PCDH10: variants seen among roughly 807,000 people sequenced by gnomAD.
PCDH10 encodes the protein protocadherin-10.
A neutral mutation model predicts 74.4 loss-of-function variants in PCDH10; 15 were observed. That is an observed-to-expected ratio of 0.20 (90% confidence interval 0.13 to 0.31). The LOEUF (loss-of-function observed/expected upper bound fraction) is 0.31. PCDH10 is among the 10% of genes least tolerant of loss of function. The pLI is 1.00. For missense variants in PCDH10, 1,260 were observed against 1,390.2 expected (o/e 0.91, Z 1.49); for synonymous variants, 619 against 589.8 (o/e 1.05, Z -0.72).
At chr4:133,188,955 G>A (rs944457047) in intron 4 of PCDH10, among the ~76,000 whole-genome samples, 4 of 151,848 alleles carry the variant, frequency 2.6e-5, no homozygotes, top group South Asian at 4.2e-4. Context: ...GATTACAGAC[G>A]AGAGCCACCA....
intron 4 of PCDH10, among the ~76,000 whole-genome samples, chr4:133,187,240 A>G (rs1486853962): frequency 3.3e-5 from 5 of 152,144 alleles, no homozygotes; most frequent in East Asian, 1.9e-4. Flanking sequence ...TGAATTTGCC[A>G]TGCACAGAGT....
intron 4 of PCDH10, among the ~76,000 whole-genome samples, chr4:133,183,814 T>A (rs910406744): frequency 1.3e-5 from 2 of 152,106 alleles, no homozygotes; most frequent in Admixed American, 6.6e-5. Context: ...GGCCAACTAT[T>A]TAAGGGTGCC....
At chr4:133,164,053 C>A (rs4461537) in intron 4 of PCDH10, 1 of 454,304 alleles carries the variant, frequency 2.2e-6, no homozygotes, top group South Asian at 1.6e-5. Context: ...ATTGTAGTGA[C>A]AACAATAGGT....
At chr4:133,174,157 TTAAA>T (rs1727248620) in intron 4 of PCDH10, among the ~76,000 whole-genome samples, 1 of 151,920 alleles carries the variant, frequency 6.6e-6, no homozygotes, top group South Asian at 2.1e-4. Context: ...CAGCTGACAA[TTAAA>T]TAAAAATGAA....
intron 4 of PCDH10, among the ~76,000 whole-genome samples, chr4:133,188,675 T>TG (rs1727592040): frequency 7.1e-6 from 1 of 140,194 alleles, no homozygotes; most frequent in South Asian, 2.4e-4. Context: ...GTTTTTTTTT[T>TG]TTTTTTTTTT....
intron 4 of PCDH10, among the ~76,000 whole-genome samples, chr4:133,180,632 CT>C (rs1213618980): frequency 6.6e-6 from 1 of 151,800 alleles, no homozygotes; most frequent in African/African-American, 2.4e-5. Context: ...AACCAGAATT[CT>C]TTACTGGCCC....
Position 133,149,919 on chromosome 4 carries a change from T to A in PCDH10, c.-222T>A. 2 of 472,510 alleles carry A rather than the reference T, an allele frequency of 4.2e-6. No individual in the cohort carries two copies. Among genetic ancestry groups the A allele is most frequent in the Non-Finnish European group, 7.2e-6 (2 of 279,594 alleles). The allele number at this position is 472,510 out of a possible 1,614,324, so 29.3% of individuals were successfully genotyped here. A position where few individuals can be genotyped will look rare whatever the true frequency, so the allele number is the denominator to read the frequency against. ...TACAGATGAGGAAAGGGGACGCCTG[T>A]CACCCTTCCTGTGCTAAGATTTAAA... On this transcript the variant is annotated 5_prime_UTR_variant, in exon 1 of 5. An upstream open reading frame in the 5' UTR gains an earlier in-frame stop. Coordinates refer to ENST00000264360, the MANE Select transcript of PCDH10 (RefSeq NM_032961.3).
At chr4:133,173,490 C>G (rs1247939943) in intron 4 of PCDH10, among the ~76,000 whole-genome samples, 1 of 151,944 alleles carries the variant, frequency 6.6e-6, no homozygotes, top group African/African-American at 2.4e-5. Flanking sequence ...AAACTATATA[C>G]GTATGCCATC....
At position 133,152,740 on chromosome 4, in the gene PCDH10, T is replaced by C. The variant is rs766069390; in HGVS notation, c.2600T>C (p.Ile867Thr). The change falls in exon 1 of 5, where the codon ATC (isoleucine) becomes ACC (threonine). Residue 867 changes from isoleucine (I) to threonine (T), a missense_variant. Around this residue, in one of 11 missense-constraint regions of PCDH10, gnomAD observed 587 missense variants for 616.9 expected, o/e 0.95. Transcript: ENST00000264360. The part of the protein sequence containing the change: ...VTGYTDQQPD[I>T]ISNGSILSNE... ...GGTTACACCGACCAGCAGCCTGATA[T>C]CATCTCCAACGGAAGCATTTTGTCC... The C allele has an allele frequency of 6.2e-7, 1 of 1,614,192 alleles. No individual in the cohort carries two copies. Among genetic ancestry groups the C allele is most frequent in the Admixed American group, 1.7e-5 (1 of 60,024 alleles).
At chr4:133,204,613 A>C (rs931388467) in intron 2 of PCDH10, among the ~76,000 whole-genome samples, 1 of 152,194 alleles carries the variant, frequency 6.6e-6, no homozygotes, top group Non-Finnish European at 1.5e-5. Flanking sequence ...GCTGGAACCA[A>C]TTAGTGGTTT....
chr4:133,170,353 A>G (rs1324114891), intron 4 of PCDH10, among the ~76,000 whole-genome samples: 1 of 152,072 alleles, frequency 6.6e-6, no homozygotes, highest in Non-Finnish European at 1.5e-5. Context: ...GTGTCTATAT[A>G]TATATACACT....
At chr4:133,172,486 C>CAAG (rs1727222392) in intron 4 of PCDH10, among the ~76,000 whole-genome samples, 1 of 151,628 alleles carries the variant, frequency 6.6e-6, no homozygotes, top group Non-Finnish European at 1.5e-5. Flanking sequence ...ATGTATAACT[C>CAAG]AAGAAATGTT....
In PCDH10 at chr4:133,151,341, G is replaced by T. The variant is rs1311321734; in HGVS notation, c.1201G>T (p.Val401Leu). ...GQVQCELLGDVPFRLKSSFKN... is the reference protein window; with the variant it reads ...GQVQCELLGDLPFRLKSSFKN... ...GGTGCAGTGCGAGCTACTGGGAGAC[G>T]TGCCTTTCCGCCTCAAGTCTTCCTT... The change falls in exon 1 of 5, where the codon GTG becomes TTG. Residue 401 changes from valine to leucine, a missense_variant. By Grantham distance (32) the Val-to-Leu change is conservative (BLOSUM62 1). Transcript: ENST00000264360. The T allele has an allele frequency of 6.2e-7, 1 of 1,614,050 alleles. No individual in the cohort carries two copies. Among genetic ancestry groups the T allele is most frequent in the Non-Finnish European group, 8.5e-7 (1 of 1,180,044 alleles).
At chr4:133,200,160 A>G (rs1444290478) in intron 2 of PCDH10, among the ~76,000 whole-genome samples, 1 of 151,860 alleles carries the variant, frequency 6.6e-6, no homozygotes, top group Admixed American at 6.6e-5. Flanking sequence ...ATTCTCTACT[A>G]ATGGTTACTA....
At chr4:133,207,983 T>C (rs1728040548) in intron 2 of PCDH10, 1 of 152,184 alleles carries the variant, frequency 6.6e-6, no homozygotes, top group African/African-American at 2.4e-5. Context: ...AGTGAAGTGA[T>C]TTCACACTTG....
At chr4:133,153,166 C>T (rs1726780048) in intron 1 of PCDH10, 31 of 1,135,988 alleles carry the variant, frequency 2.7e-5, no homozygotes, top group Non-Finnish European at 3.3e-5. Context: ...CTGTCCCAGG[C>T]ATTAATAAAG....
chr4:133,183,050 CTG>C, intron 4 of PCDH10, among the ~76,000 whole-genome samples: 1 of 151,980 alleles, frequency 6.6e-6, no homozygotes, highest in Non-Finnish European at 1.5e-5. Flanking sequence ...AATGATTACT[CTG>C]TGTTTTTAGA....
downstream of PCDH10, chr4:133,194,708 C>T (rs1430795873): frequency 6.6e-6 from 1 of 151,796 alleles, no homozygotes; most frequent in Admixed American, 6.6e-5. Flanking sequence ...ACATCTAATG[C>T]TGATTTAGTA....
At chr4:133,201,395 T>G (rs1242454330) in intron 2 of PCDH10, among the ~76,000 whole-genome samples, 1 of 152,128 alleles carries the variant, frequency 6.6e-6, no homozygotes, top group Non-Finnish European at 1.5e-5. Context: ...CAATATTTGT[T>G]AGTCAAATAT....
Sources: gnomAD v4.1 joint callset for allele counts (sites outside exome capture counted in the v4.1 genomes callset) on GRCh38, gnomAD v4.1.1 for gene constraint, gnomAD v4.1.1 regional missense constraint, MANE v1.5 for transcripts, NCBI Gene and HGNC (gene_info 2026-07-23, HGNC 2026-07-21) for gene names.